DCLK1: variants seen among roughly 807,000 people sequenced by gnomAD.
The protein encoded by DCLK1 is serine/threonine-protein kinase DCLK1.
Under a neutral mutation model 86.2 loss-of-function variants are expected in DCLK1, and 16 were observed. The observed-to-expected ratio is 0.19, with a 90% CI of 0.13 to 0.28. The LOEUF is 0.28. Ranked by LOEUF, DCLK1 falls within the 10% of genes least tolerant of loss-of-function variation. The probability of loss-of-function intolerance (pLI) is 1.00; values close to 1 mark genes in which losing one functional copy is unlikely to be tolerated. For missense variants in DCLK1, 590 were observed against 940.2 expected (o/e 0.63, Z 4.87); for synonymous variants, 369 against 370.5 (o/e 1.00, Z 0.05).
intron 3 of DCLK1, among the ~76,000 whole-genome samples, chr13:35,948,795 G>A (rs1359353043): frequency 6.6e-6 from 1 of 152,154 alleles, no homozygotes. Context: ...TAAAAACACA[G>A]GGGATTTAAG....
At chr13:35,914,495 T>C (rs1054542134) in intron 4 of DCLK1, among the ~76,000 whole-genome samples, 2 of 150,484 alleles carry the variant, frequency 1.3e-5, no homozygotes, top group African/African-American at 2.4e-5. Flanking sequence ...CGTGGGTAGA[T>C]CACTTGAGGC....
At chr13:35,911,703 C>T (rs1283303009) in intron 4 of DCLK1, among the ~76,000 whole-genome samples, 1 of 152,160 alleles carries the variant, frequency 6.6e-6, no homozygotes, top group African/African-American at 2.4e-5. Context: ...TGGATCTGAA[C>T]AATTTCTTGT....
intron 8 of DCLK1, among the ~76,000 whole-genome samples, chr13:35,833,563 C>T (rs1158431463): frequency 2.6e-5 from 4 of 152,122 alleles, no homozygotes; most frequent in Non-Finnish European, 4.4e-5. Flanking sequence ...GACCTAGCTG[C>T]CAAAGACTAT....
chr13:35,992,093 A>T (rs1357742703), intron 3 of DCLK1, among the ~76,000 whole-genome samples: 1 of 152,180 alleles, frequency 6.6e-6, no homozygotes, highest in Non-Finnish European at 1.5e-5. Flanking sequence ...TAATGAACAA[A>T]TTCTTTTTGA....
chr13:35,852,790 G>C (rs1195108723), intron 6 of DCLK1, among the ~76,000 whole-genome samples: 3 of 152,190 alleles, frequency 2.0e-5, no homozygotes, highest in African/African-American at 7.2e-5. Context: ...CCCTAAGCTG[G>C]AGGTCTCCTC....
intron 3 of DCLK1, among the ~76,000 whole-genome samples, chr13:36,057,074 A>G (rs1404040860): frequency 6.6e-6 from 1 of 152,068 alleles, no homozygotes; most frequent in African/African-American, 2.4e-5. Context: ...ACACACACAC[A>G]CATACATATG....
At chr13:36,013,407 G>A (rs956204180) in intron 3 of DCLK1, among the ~76,000 whole-genome samples, 7 of 151,946 alleles carry the variant, frequency 4.6e-5, no homozygotes, top group Non-Finnish European at 1.0e-4. Flanking sequence ...TGGGTTTTCG[G>A]TGTGGATGTC....
chr13:35,859,191 C>T (rs920225146), intron 5 of DCLK1, among the ~76,000 whole-genome samples: 2 of 152,124 alleles, frequency 1.3e-5, no homozygotes, highest in Non-Finnish European at 2.9e-5. Flanking sequence ...TAAACTAACA[C>T]GGTTGTTGTT....
intron 16 of DCLK1, among the ~76,000 whole-genome samples, chr13:35,775,549 G>A (rs1417774446): frequency 6.6e-6 from 1 of 152,112 alleles, no homozygotes; most frequent in African/African-American, 2.4e-5. Flanking sequence ...GATTTAATGG[G>A]TGTGGGGGAA....
intron 4 of DCLK1, among the ~76,000 whole-genome samples, chr13:35,877,795 T>C (rs1177465336): frequency 1.3e-5 from 2 of 152,302 alleles, no homozygotes; most frequent in Middle Eastern, 3.4e-3. Flanking sequence ...ACAAAGCCTG[T>C]AAATGGAATA....
Position 35,770,752 on chromosome 13 carries a change from C to G in DCLK1, c.*3783G>C, listed in dbSNP as rs1379578826. ...GTGCGAATGAGTAACTACATTAAAA[C>G]TACCATCTTGGATCTTGGTGCTTTC... On this transcript the variant is annotated 3_prime_UTR_variant, in exon 17 of 17. Transcript: ENST00000360631. The G allele has an allele frequency of 1.3e-5, 2 of 152,166 alleles. No homozygotes were observed. Among genetic ancestry groups the G allele is most frequent in the African/African-American group, 4.8e-5 (2 of 41,440 alleles). 9.4% of individuals were successfully genotyped at this position (152,166 alleles called of 1,614,324 possible).
intron 6 of DCLK1, among the ~76,000 whole-genome samples, chr13:35,841,154 G>A (rs1869763818): frequency 6.6e-6 from 1 of 152,204 alleles, no homozygotes; most frequent in African/African-American, 2.4e-5. Flanking sequence ...TAGGCTAGCA[G>A]GTGCTGCCTT....
chr13:36,124,727 A>G (rs1886108525), intron 2 of DCLK1, among the ~76,000 whole-genome samples: 1 of 152,154 alleles, frequency 6.6e-6, no homozygotes, highest in Non-Finnish European at 1.5e-5. Flanking sequence ...CTGGAGTAAA[A>G]ATGAACTCAA....
chr13:35,851,177 C>G (rs558890962), intron 6 of DCLK1, among the ~76,000 whole-genome samples: 1 of 152,260 alleles, frequency 6.6e-6, no homozygotes, highest in South Asian at 2.1e-4. Context: ...GCCCAAATGG[C>G]GTTCAGCAAA....
intron 8 of DCLK1, among the ~76,000 whole-genome samples, chr13:35,834,750 A>G (rs1869230698): frequency 6.6e-6 from 1 of 152,084 alleles, no homozygotes; most frequent in Non-Finnish European, 1.5e-5. Context: ...GGCAGCATCA[A>G]CTCACAGATT....
At position 36,131,235 on chromosome 13, in the gene DCLK1, C is replaced by T; in HGVS notation, c.-141G>A. On this transcript the variant is annotated 5_prime_UTR_variant, in exon 1 of 17. Coordinates refer to ENST00000360631, the MANE Select transcript of DCLK1 (RefSeq NM_001330071.2). ...GGGCTGCAGGGCTGGGGGGCGGCGG[C>T]GGGGCCGGGCTGGGCGGCAGCAGCT... The T allele has an allele frequency of 6.5e-6, 1 of 153,668 alleles. No homozygotes were observed. Among genetic ancestry groups the T allele is most frequent in the Non-Finnish European group, 1.4e-5 (1 of 69,076 alleles). 9.5% of individuals were successfully genotyped at this position (153,668 alleles called of 1,614,324 possible). A position where few individuals can be genotyped will look rare whatever the true frequency, so the allele number is the denominator to read the frequency against.
intron 3 of DCLK1, among the ~76,000 whole-genome samples, chr13:35,994,793 G>A (rs1880401631): frequency 6.6e-6 from 1 of 152,126 alleles, no homozygotes; most frequent in Non-Finnish European, 1.5e-5. Flanking sequence ...AGCTATTATG[G>A]GCTTTAAATT....
At chr13:36,124,180 T>C (rs1181230373) in intron 2 of DCLK1, among the ~76,000 whole-genome samples, 1 of 152,228 alleles carries the variant, frequency 6.6e-6, no homozygotes, top group Non-Finnish European at 1.5e-5. Flanking sequence ...CACCTGACTT[T>C]GCGTATAACT....
intron 4 of DCLK1, among the ~76,000 whole-genome samples, chr13:35,913,086 G>C (rs1334065895): frequency 1.3e-5 from 2 of 152,182 alleles, no homozygotes; most frequent in African/African-American, 2.4e-5. Context: ...GCATCACAAG[G>C]AGCTTCAAAG....
Sources: gnomAD v4.1 joint callset for allele counts (sites outside exome capture counted in the v4.1 genomes callset) on GRCh38, gnomAD v4.1.1 for gene constraint, MANE v1.5 for transcripts, NCBI Gene and HGNC (gene_info 2026-07-23, HGNC 2026-07-21) for gene names.